ANGPTL1: variants seen among roughly 807,000 people sequenced by gnomAD.
ANGPTL1 encodes angiopoietin like 1.
Under a neutral mutation model 46.7 loss-of-function variants are expected in ANGPTL1, and 36 were observed. The ratio of observed to expected loss-of-function variants is 0.77; its 90% CI spans 0.59 to 1.02. The LOEUF (loss-of-function observed/expected upper bound fraction) is 1.02, where lower values mean the gene tolerates loss of function less well. ANGPTL1 is among the 50% of genes least tolerant of loss of function. ANGPTL1 has a pLI of 0.00. For missense variants in ANGPTL1, 571 were observed against 594.7 expected, an observed-to-expected ratio of 0.96 and a Z score of 0.41; for synonymous variants, 221 against 204.3, an observed-to-expected ratio of 1.08 and a Z score of -0.69.
rs184897400 is a variant in ANGPTL1, at chr1:178,863,109, A to G, written c.823+1845T>C. 5.9e-5 allele frequency among the ~76,000 whole-genome samples: 9 copies of G among 152,334 alleles called. No homozygotes were observed. In the South Asian group the frequency reaches 6.2e-4, roughly 11 times the overall value. On this transcript the variant is annotated intron_variant, in intron 3 of 5. Transcript: ENST00000234816. ...CCTAAGATCACACAGCTGGTAGCCT[A>G]TGGAGTCTCTGTCTTCTAGCTGCTG...
chr1:178,857,480 A>G (rs934825667), intron 3 of ANGPTL1, among the ~76,000 whole-genome samples: 3 of 152,140 alleles, frequency 2.0e-5, no homozygotes, highest in African/African-American at 7.2e-5. Flanking sequence ...TTCCACTATA[A>G]TATGACAAGT....
intron 3 of ANGPTL1, among the ~76,000 whole-genome samples, chr1:178,861,798 ATT>A (rs1181862787): frequency 6.6e-6 from 1 of 152,076 alleles, no homozygotes; most frequent in African/African-American, 2.4e-5. Flanking sequence ...TCTGTTTTTT[ATT>A]TCTATACCCA....
rs147565673 is a variant in ANGPTL1 at position 178,854,428 on chromosome 1, C to G, written c.824-641G>C. 3.9e-5 allele frequency among the ~76,000 whole-genome samples: 6 copies of G among 152,190 alleles called. No individual in the cohort carries two copies. In the East Asian group the frequency reaches 1.2e-3, roughly 29 times the overall value. On this transcript the variant is annotated intron_variant, in intron 3 of 5. Coordinates refer to ENST00000234816, the MANE Select transcript of ANGPTL1 (RefSeq NM_004673.4). ...TTCCCTTTTGGAAATTCTCAATGTA[C>G]ATTCACATATTAAAGACTGAAAAGC...
At chr1:178,857,927 A>G (rs3766640) in intron 3 of ANGPTL1, among the ~76,000 whole-genome samples, 95,138 of 151,978 alleles carry the variant, frequency 0.63, 30,464 homozygotes, top group African/African-American at 0.77. Context: ...AAAGCAAAAT[A>G]GAGAGTTCTG....
At chr1:178,862,588 A>T (rs1423726247) in intron 3 of ANGPTL1, among the ~76,000 whole-genome samples, 2 of 131,298 alleles carry the variant, frequency 1.5e-5, no homozygotes, top group Non-Finnish European at 3.2e-5. Flanking sequence ...GAGGAGTTGC[A>T]TTTTTTTTAT....
rs1007948584 is a variant in ANGPTL1, at chr1:178,849,917, A to G, written c.*1212T>C. The G allele has an allele frequency of 6.6e-6, 1 of 152,262 alleles. No individual in the cohort carries two copies. Among genetic ancestry groups the G allele is most frequent in the Non-Finnish European group, 1.5e-5 (1 of 68,040 alleles). 9.4% of individuals were successfully genotyped at this position (152,262 alleles called of 1,614,324 possible). A position where few individuals can be genotyped will look rare whatever the true frequency, so the allele number is the denominator to read the frequency against. Reference sequence around the variant, plus strand: ...TTCATGAGCTATCTTTAAAATTTTAACTTCACAAATATATTAAGGCAAGGT... The same window carrying G: ...TTCATGAGCTATCTTTAAAATTTTAGCTTCACAAATATATTAAGGCAAGGT... On this transcript the variant is annotated 3_prime_UTR_variant, in exon 6 of 6. Transcript: ENST00000234816.
At chr1:178,867,679 G>A (rs1205587424) in intron 2 of ANGPTL1, among the ~76,000 whole-genome samples, 1 of 151,862 alleles carries the variant, frequency 6.6e-6, no homozygotes, top group Non-Finnish European at 1.5e-5. Context: ...AGTATTTATG[G>A]ATAATTTTTG....
At chr1:178,854,665 A>C (rs1030247554) in intron 3 of ANGPTL1, among the ~76,000 whole-genome samples, 6 of 152,176 alleles carry the variant, frequency 3.9e-5, no homozygotes, top group Non-Finnish European at 8.8e-5. Context: ...ACGATTAACT[A>C]AGGTCATGTA....
intron 5 of ANGPTL1, among the ~76,000 whole-genome samples, chr1:178,851,594 G>C (rs930872602): frequency 5.3e-5 from 8 of 152,218 alleles, no homozygotes; most frequent in Non-Finnish European, 8.8e-5. Flanking sequence ...GATGCAAGCA[G>C]TGTTTATATG....
chr1:178,856,202 G>GAGATATATATATAT (rs1428022812), intron 3 of ANGPTL1, among the ~76,000 whole-genome samples: 14 of 83,900 alleles, frequency 1.7e-4, no homozygotes, highest in African/African-American at 7.7e-4. Context: ...GAGAGAGAGA[G>GAGATATATATATAT]ATATATATAT....
rs1221693874 is a variant in ANGPTL1, at chr1:178,852,860, AT to A, written c.1110del (p.Glu370AspfsTer2). The A allele has an allele frequency of 2.5e-6, 4 of 1,613,944 alleles. No homozygotes were observed. The highest frequency in any genetic ancestry group is 3.4e-6 in the Non-Finnish European group (4 of 1,179,856). On this transcript the variant is annotated frameshift_variant, in exon 5 of 6. Coordinates refer to ENST00000234816, the MANE Select transcript of ANGPTL1 (RefSeq NM_004673.4). LOFTEE classifies it high-confidence loss of function. ...ACTTTTTTATCACTCCAGTCTTCTAATTCAATCAATAACTTGTAATTATCTT... is the reference window on the plus strand; with the variant it reads ...ACTTTTTTATCACTCCAGTCTTCTAATCAATCAATAACTTGTAATTATCTT... The part of the protein sequence containing the change: ...SNQDNYKLLI[E>X]LEDWSDKKVY...
chr1:178,865,592 C>G lies in ANGPTL1; in HGVS notation c.185G>C (p.Gly62Ala), dbSNP rs768396369. 1.2e-6 allele frequency: 2 copies of G among 1,613,780 alleles called. No individual in the cohort carries two copies. Among genetic ancestry groups the G allele is most frequent in the Non-Finnish European group, 1.7e-6 (2 of 1,179,934 alleles). The change falls in exon 3 of 6, where the codon GGG becomes GCG. Residue 62 changes from glycine to alanine, a missense_variant. Gly to Ala is a moderately conservative substitution (Grantham distance 60). Coordinates refer to ENST00000234816, the MANE Select transcript of ANGPTL1 (RefSeq NM_004673.4). ...TFLVPEQRIT[G>A]PICVNTKGQD... ...CCCCTTGGTGTTGACACAGATTGGC[C>G]CTGTTATTCTTTGTTCAGGTACCAG...
intron 3 of ANGPTL1, among the ~76,000 whole-genome samples, chr1:178,860,352 A>G (rs971302373): frequency 1.3e-5 from 2 of 152,270 alleles, no homozygotes; most frequent in African/African-American, 2.4e-5. Flanking sequence ...TCTAAATACT[A>G]TTTTTTATAA....
chr1:178,865,819 C>T lies in ANGPTL1; in HGVS notation c.-26-17G>A. 6.9e-7 allele frequency: 1 copy of T among 1,452,712 alleles called. No homozygotes were observed. The highest frequency in any genetic ancestry group is 2.3e-5 in the East Asian group (1 of 43,878). 90.0% of individuals were successfully genotyped at this position (1,452,712 alleles called of 1,614,324 possible). ...AAATGATGTCTTTTGAAAAACAAAT[C>T]AGTGAAGGAGAAAAAGCAAAAAGAA... On this transcript the variant is annotated splice_polypyrimidine_tract_variant and intron_variant, in intron 2 of 5. Coordinates refer to ENST00000234816, the MANE Select transcript of ANGPTL1 (RefSeq NM_004673.4).
chr1:178,863,387 C>CAT (rs3835496), intron 3 of ANGPTL1, among the ~76,000 whole-genome samples: 70,217 of 151,904 alleles, frequency 0.46, 17,432 homozygotes, highest in African/African-American at 0.64. Context: ...AGGAGACAGA[C>CAT]ATAAATAAAT....
rs1490894597 is a variant in ANGPTL1, at chr1:178,849,790, G to T, written c.*1339C>A. The T allele has an allele frequency of 6.6e-6, 1 of 152,228 alleles. No individual in the cohort carries two copies. The highest frequency in any genetic ancestry group is 1.5e-5 in the Non-Finnish European group (1 of 68,038). 9.4% of individuals were successfully genotyped at this position (152,228 alleles called of 1,614,324 possible). On this transcript the variant is annotated 3_prime_UTR_variant, in exon 6 of 6. Transcript: ENST00000234816. ...ATGAAAAACATTGGTCATGTTGATG[G>T]ATTTGAGTTGTCCAAATGATTATCT...
At chr1:178,868,109 T>A (rs182573900) in intron 2 of ANGPTL1, among the ~76,000 whole-genome samples, 163 of 151,788 alleles carry the variant, frequency 1.1e-3, no homozygotes, top group African/African-American at 3.6e-3. Context: ...CACATGGGTA[T>A]TTTTTTTAGC....
At chr1:178,862,871 A>G (rs1227511808) in intron 3 of ANGPTL1, among the ~76,000 whole-genome samples, 1 of 152,196 alleles carries the variant, frequency 6.6e-6, no homozygotes, top group African/African-American at 2.4e-5. Flanking sequence ...GTAGTTTAAG[A>G]AGATGAATCT....
rs1213107115 is a variant in ANGPTL1, at chr1:178,853,687, C to T, written c.924G>A (p.Trp308Ter). 4 of 1,613,214 alleles carry T rather than the reference C, an allele frequency of 2.5e-6. No individual in the cohort carries two copies. The East Asian group carries it at 8.9e-5, about 36-fold the overall frequency. Residue 308 changes from tryptophan to a stop codon, truncating the protein, a stop_gained, in exon 4 of 6, where the codon TGG (tryptophan) becomes TGA (stop). Transcript: ENST00000234816. LOFTEE classifies it high-confidence loss of function. ...CCCCAGGGTCCAAACTGTTTTCACA[C>T]CATAACTGCATTGGTCCATTGCTGT... is the stretch of plus-strand genomic sequence containing the variant. ...PENSNGPMQL[W>*]CENSLDPGGW...
Sources: gnomAD v4.1 joint callset for allele counts (sites outside exome capture counted in the v4.1 genomes callset) on GRCh38, gnomAD v4.1.1 for gene constraint, MANE v1.5 for transcripts, NCBI Gene and HGNC (gene_info 2026-07-23, HGNC 2026-07-21) for gene names.